The following TMEM71 variants were observed in gnomAD, a reference collection of about 807,000 sequenced individuals.
The protein encoded by TMEM71 is transmembrane protein 71.
In TMEM71, 44 loss-of-function variants were observed where a neutral mutation model predicts 38.0. That is an observed-to-expected ratio of 1.16 (90% confidence interval 0.91 to 1.49). The LOEUF (loss-of-function observed/expected upper bound fraction) is 1.49, where lower values mean the gene tolerates loss of function less well. Ranked by LOEUF, TMEM71 falls within the 40% of genes most tolerant of loss-of-function variation. TMEM71 has a pLI of 0.00. For synonymous variants in TMEM71, 133 were observed against 122.5 expected, an observed-to-expected ratio of 1.09 and a Z score of -0.56; for missense variants, 367 against 348.6, an observed-to-expected ratio of 1.05 and a Z score of -0.42.
rs1826183326 is a variant in TMEM71 at position 132,710,543 on chromosome 8, C to G, written c.*424G>C. On this transcript the variant is annotated 3_prime_UTR_variant, in exon 10 of 10. Coordinates refer to ENST00000677595, the MANE Select transcript of TMEM71 (RefSeq NM_001382403.1). The stretch of plus-strand genomic sequence containing the variant: ...TTGGTATTAGTTAGACAAACTTGCT[C>G]TCATTATTCTATTAAAGCAATTCAG... 3.1e-6 allele frequency: 1 copy of G among 325,162 alleles called. No homozygotes were observed. Among genetic ancestry groups the G allele is most frequent in the African/African-American group, 2.1e-5 (1 of 46,626 alleles). 20.1% of individuals were successfully genotyped at this position (325,162 alleles called of 1,614,324 possible).
downstream of TMEM71, among the ~76,000 whole-genome samples, chr8:132,708,284 T>C (rs182568073): frequency 1.1e-4 from 16 of 152,310 alleles, no homozygotes; most frequent in African/African-American, 3.8e-4. Context: ...TGTGCACCTC[T>C]GTCACAGATG....
At chr8:132,752,139 T>C in intron 3 of TMEM71, 142 bp from the exon 4 acceptor site, 2 of 696,310 alleles carry the variant, frequency 2.9e-6, no homozygotes, top group Non-Finnish European at 4.9e-6. Flanking sequence ...GGAATGTCAC[T>C]CTTAATGTTC....
chr8:132,773,831 A>G, the TMEM71 span, among the ~76,000 whole-genome samples: 1 of 152,228 alleles, frequency 6.6e-6, no homozygotes, highest in Non-Finnish European at 1.5e-5. Context: ...TCCAAGATTC[A>G]TAAGGTGGAT....
chr8:132,765,973 G>C, the TMEM71 span, among the ~76,000 whole-genome samples: 1 of 151,876 alleles, frequency 6.6e-6, no homozygotes, highest in Non-Finnish European at 1.5e-5. Context: ...TAGTACAGAT[G>C]GGGTTTCACC....
intron 5 of TMEM71, among the ~76,000 whole-genome samples, chr8:132,736,901 T>A (rs1298202292): frequency 2.6e-5 from 4 of 152,128 alleles, no homozygotes; most frequent in African/African-American, 9.7e-5. Context: ...ATGGTAAGTA[T>A]ACGAGGTGAT....
intron 5 of TMEM71, among the ~76,000 whole-genome samples, chr8:132,733,146 T>C (rs1038507812): frequency 1.3e-5 from 2 of 152,186 alleles, no homozygotes; most frequent in African/African-American, 4.8e-5. Flanking sequence ...ATAGAATACA[T>C]AATTTCTGTG....
chr8:132,728,026 G>A (rs763826675), intron 5 of TMEM71, 40 bp from the exon 6 acceptor site: 8 of 1,375,246 alleles, frequency 5.8e-6, no homozygotes, highest in East Asian at 2.4e-5. Context: ...GTGTGTGTGT[G>A]TGTGTGTGTG....
chr8:132,759,054 C>T, intron 1 of TMEM71, 139 bp from the exon 2 acceptor site: 1 of 604,554 alleles, frequency 1.7e-6, no homozygotes, highest in Non-Finnish European at 2.9e-6. Flanking sequence ...AGGTAGGAGA[C>T]CAGACTGAAG....
rs373744468 is a variant in TMEM71, at chr8:132,758,891, C to T, written c.-12G>A. On this transcript the variant is annotated 5_prime_UTR_variant, in exon 2 of 10. Coordinates refer to ENST00000677595, the MANE Select transcript of TMEM71 (RefSeq NM_001382403.1). ...GATATTCGGTACATCTTGGGAAGGC[C>T]GCTTGCTCAAACTTCACAGATTCTC... 21 of 1,612,774 alleles carry T rather than the reference C, an allele frequency of 1.3e-5. No individual in the cohort carries two copies. The highest frequency in any genetic ancestry group is 2.2e-5 in the East Asian group (1 of 44,814).
At chr8:132,743,011 T>C (rs1450804975) in intron 5 of TMEM71, among the ~76,000 whole-genome samples, 1 of 152,056 alleles carries the variant, frequency 6.6e-6, no homozygotes, top group African/African-American at 2.4e-5. Context: ...GTGAGACGTA[T>C]TCACTATCAC....
upstream of TMEM71, among the ~76,000 whole-genome samples, chr8:132,763,157 A>G (rs1401476451): frequency 2.6e-5 from 4 of 151,986 alleles, no homozygotes; most frequent in East Asian, 7.8e-4. Flanking sequence ...CTACTAATTA[A>G]TTGCCCTCCA....
chr8:132,754,455 C>G (rs568048608), intron 3 of TMEM71, among the ~76,000 whole-genome samples: 1 of 152,300 alleles, frequency 6.6e-6, no homozygotes, highest in East Asian at 1.9e-4. Flanking sequence ...CCCTTGGTTT[C>G]AATCCTGGCT....
At chr8:132,766,085 A>T in the TMEM71 span, among the ~76,000 whole-genome samples, 2 of 152,118 alleles carry the variant, frequency 1.3e-5, no homozygotes, top group Admixed American at 1.3e-4. Flanking sequence ...CACCCTGCCG[A>T]ATCTAACATA....
Position 132,710,887 on chromosome 8 carries a change from G to A in TMEM71, c.*80C>T. On this transcript the variant is annotated 3_prime_UTR_variant, in exon 10 of 10. Coordinates refer to ENST00000677595, the MANE Select transcript of TMEM71 (RefSeq NM_001382403.1). Reference sequence around the variant, plus strand: ...CTTACTCCCTTCCAATAAAACACTTGATTCCAAGTAGACTGCAAGTTGGAC... The same window carrying A: ...CTTACTCCCTTCCAATAAAACACTTAATTCCAAGTAGACTGCAAGTTGGAC... 1 of 1,359,064 alleles carries A rather than the reference G, an allele frequency of 7.4e-7. No individual in the cohort carries two copies. Among genetic ancestry groups the A allele is most frequent in the Non-Finnish European group, 1.1e-6 (1 of 952,326 alleles). 84.2% of individuals were successfully genotyped at this position (1,359,064 alleles called of 1,614,324 possible).
the TMEM71 span, among the ~76,000 whole-genome samples, chr8:132,765,802 C>A: frequency 6.7e-6 from 1 of 149,724 alleles, no homozygotes; most frequent in African/African-American, 2.5e-5. Flanking sequence ...TTATTATTGT[C>A]TTTTGAGACA....
chr8:132,766,783 T>TA, the TMEM71 span, among the ~76,000 whole-genome samples: 961 of 74,840 alleles, frequency 0.013, 17 homozygotes, highest in African/African-American at 0.023. Flanking sequence ...AGACTCTGTC[T>TA]AAAAAAAAAA....
At chr8:132,758,744 A>ATGGTCT in intron 2 of TMEM71, 96 bp downstream of exon 2, 1 of 1,010,728 alleles carries the variant, frequency 9.9e-7, no homozygotes, top group South Asian at 1.3e-5. Flanking sequence ...CAGATGGTTA[A>ATGGTCT]TGGTCTGAGT....
the TMEM71 span, among the ~76,000 whole-genome samples, chr8:132,767,422 G>C: frequency 6.6e-6 from 1 of 150,726 alleles, no homozygotes; most frequent in Non-Finnish European, 1.5e-5. Context: ...ATTCCAGTCA[G>C]CTTCCTGTGT....
chr8:132,742,642 A>T (rs2739021), intron 5 of TMEM71, among the ~76,000 whole-genome samples: 52,956 of 152,134 alleles, frequency 0.35, 10,564 homozygotes, highest in South Asian at 0.5. Flanking sequence ...TGTTTAGTAC[A>T]GTGGCTGGCA....
Sources: allele counts gnomAD v4.1 joint callset (sites outside exome capture counted in the v4.1 genomes callset), GRCh38; gene constraint gnomAD v4.1.1; transcripts MANE v1.5; gene names NCBI Gene and HGNC (gene_info 2026-07-23, HGNC 2026-07-21).